PTPN22: variants seen among roughly 807,000 people sequenced by gnomAD.
The protein encoded by PTPN22 is protein tyrosine phosphatase non-receptor type 22.
In PTPN22, 85 loss-of-function variants were observed where a neutral mutation model predicts 103.3. The observed-to-expected ratio is 0.82, with a 90% CI of 0.69 to 0.99. PTPN22 has a LOEUF of 0.99. Ranked by LOEUF, PTPN22 falls within the 50% of genes least tolerant of loss-of-function variation. The pLI is 0.00. For synonymous variants in PTPN22, 323 were observed against 310.2 expected (o/e 1.04, Z -0.43); for missense variants, 865 against 936.9 (o/e 0.92, Z 1.00).
exon 13 of PTPN22, chr1:113,838,104 A>G: frequency 6.2e-7 from 1 of 1,614,032 alleles, no homozygotes; most frequent in Non-Finnish European, 8.5e-7. Flanking sequence ...TTCCTGCTGC[A>G]TTTACAGGTT....
At chr1:113,841,578 A>G (rs1663546088) in intron 11 of PTPN22, among the ~76,000 whole-genome samples, 1 of 150,714 alleles carries the variant, frequency 6.6e-6, no homozygotes, top group Non-Finnish European at 1.5e-5. Flanking sequence ...CCTAAAACTC[A>G]ACAACATGTA....
chr1:113,869,129 T>C (rs2102211832), intron 1 of PTPN22, among the ~76,000 whole-genome samples: 1 of 152,084 alleles, frequency 6.6e-6, no homozygotes, highest in East Asian at 1.9e-4. Flanking sequence ...GGCAGGAAAA[T>C]CGCTTGAACC....
At chr1:113,867,781 G>T (rs1275392732) in intron 1 of PTPN22, among the ~76,000 whole-genome samples, 2 of 152,192 alleles carry the variant, frequency 1.3e-5, no homozygotes, top group Non-Finnish European at 2.9e-5. Context: ...TCCTGGCACA[G>T]GGAAAAGACA....
chr1:113,855,609 C>T (rs1266575914), intron 7 of PTPN22, among the ~76,000 whole-genome samples: 2 of 151,996 alleles, frequency 1.3e-5, no homozygotes, highest in Non-Finnish European at 2.9e-5. Context: ...GACAACAGTC[C>T]GGCATACTAA....
rs1662792694 is a variant in PTPN22 at position 113,834,301 on chromosome 1, T to G, written c.2025+8A>C. 5 of 1,612,820 alleles carry G rather than the reference T, an allele frequency of 3.1e-6. No homozygotes were observed. The highest frequency in any genetic ancestry group is 4.2e-6 in the Non-Finnish European group (5 of 1,179,392). On this transcript the variant is annotated splice_region_variant and intron_variant, in intron 15 of 20. Transcript: ENST00000359785. ...CTAAATGAGTAGAGTCATTAAAAAA[T>G]TATTGACCTTGCTTGGTCTAAGTAT...
chr1:113,820,234 AC>A (rs1245258875), intron 19 of PTPN22, among the ~76,000 whole-genome samples: 4 of 152,054 alleles, frequency 2.6e-5, no homozygotes, highest in Non-Finnish European at 1.5e-5. Context: ...CAGGCAGATA[AC>A]TTGAGGCCAG....
chr1:113,845,194 G>GTTTTTTTTTTT (rs1322305042), intron 11 of PTPN22, among the ~76,000 whole-genome samples: 1 of 141,306 alleles, frequency 7.1e-6, no homozygotes, highest in African/African-American at 2.6e-5. Context: ...TTTTGTTTTT[G>GTTTTTTTTTTT]TTTTTGTTTT....
chr1:113,863,822 T>G (rs2476604), intron 1 of PTPN22, among the ~76,000 whole-genome samples: 1 of 151,070 alleles, frequency 6.6e-6, no homozygotes, highest in Admixed American at 6.6e-5. Flanking sequence ...TCTAGTATAG[T>G]TTAAACTGTT....
chr1:113,848,718 AAATCCT>A, intron 10 of PTPN22, 92 bp from the exon 11 acceptor site: 1 of 1,151,624 alleles, frequency 8.7e-7, no homozygotes, highest in Admixed American at 2.1e-5. Flanking sequence ...AACACCAATC[AAATCCT>A]AATATAGCAG....
chr1:113,854,560 C>T lies in PTPN22; in HGVS notation c.684-23G>A, dbSNP rs1411710442. The stretch of plus-strand genomic sequence containing the variant: ...GCACTGAAATGAAAGATCACAGTAG[C>T]ATGTATGCATGTATACCTAGAGAGA... On this transcript the variant is annotated intron_variant, in intron 8 of 20. Transcript: ENST00000359785. The T allele has an allele frequency of 3.8e-6, 6 of 1,586,388 alleles. No homozygotes were observed. The East Asian group carries it at 1.3e-4, about 35-fold the overall frequency.
At chr1:113,840,932 A>G (rs1414393871) in intron 11 of PTPN22, among the ~76,000 whole-genome samples, 1 of 152,232 alleles carries the variant, frequency 6.6e-6, no homozygotes, top group Non-Finnish European at 1.5e-5. Context: ...CATGCAAAAG[A>G]ATGAAGTTGA....
At chr1:113,815,346 C>T (rs779676745) in intron 20 of PTPN22, 16 of 165,972 alleles carry the variant, frequency 9.6e-5, no homozygotes, top group Non-Finnish European at 1.8e-4. Flanking sequence ...AATATAGCAC[C>T]GTTACTTATA....
chr1:113,845,714 T>C (rs932299968), intron 11 of PTPN22, among the ~76,000 whole-genome samples: 3 of 152,236 alleles, frequency 2.0e-5, no homozygotes, highest in African/African-American at 7.2e-5. Context: ...ATCAAAATTG[T>C]TGAAAGAAGA....
At position 113,846,992 on chromosome 1, in the gene PTPN22, A is replaced by ATTT. The variant is rs778146828; in HGVS notation, c.915+1545_915+1547dup. On this transcript the variant is annotated intron_variant, in intron 11 of 20. Coordinates refer to ENST00000359785, the Ensembl canonical transcript of PTPN22. ...CTGGATTTTGATGACCCAATGCTAG[A>ATTT]TTTTTTTTTTTTTTTTTTTTGGTCC... Among the ~76,000 whole-genome samples, 71 of 76,106 alleles carry ATTT rather than the reference A, an allele frequency of 9.3e-4. 3 individuals carry two copies. The highest frequency in any genetic ancestry group is 5.4e-3 in the East Asian group (15 of 2,762). 49.9% of individuals were successfully genotyped at this position (76,106 alleles called of 152,430 possible). A position where few individuals can be genotyped will look rare whatever the true frequency, so the allele number is the denominator to read the frequency against.
At chr1:113,869,475 ACCT>A (rs1666395613) in intron 1 of PTPN22, among the ~76,000 whole-genome samples, 1 of 151,786 alleles carries the variant, frequency 6.6e-6, no homozygotes, top group Non-Finnish European at 1.5e-5. Flanking sequence ...GTTCACTGCA[ACCT>A]CTGCCTCCCG....
intron 19 of PTPN22, among the ~76,000 whole-genome samples, chr1:113,824,802 C>G (rs1661901742): frequency 6.6e-6 from 1 of 151,870 alleles, no homozygotes; most frequent in Admixed American, 6.6e-5. Context: ...AGTTCGAGAC[C>G]AACCTGGGCA....
rs149974737 is a variant in PTPN22, at chr1:113,838,904, C to G, written c.916-284G>C. ...TTTAAAAATGTTCTTTGGTGGGTAA[C>G]TTTAGTCTCAAAAACACTCTGCCTT... On this transcript the variant is annotated intron_variant, in intron 11 of 20. Coordinates refer to ENST00000359785, the Ensembl canonical transcript of PTPN22. Among the ~76,000 whole-genome samples the G allele has an allele frequency of 2.1e-3, 327 of 152,186 alleles. 3 individuals are homozygous for G. The highest frequency in any genetic ancestry group is 4.8e-3 in the Admixed American group (73 of 15,280).
intron 9 of PTPN22, among the ~76,000 whole-genome samples, chr1:113,853,034 G>A (rs1417933802): frequency 6.6e-6 from 1 of 152,198 alleles, no homozygotes; most frequent in Non-Finnish European, 1.5e-5. Flanking sequence ...TGTCTCCCGG[G>A]TTCAAGCGAT....
intron 7 of PTPN22, among the ~76,000 whole-genome samples, chr1:113,855,908 A>T (rs558403912): frequency 2.6e-5 from 4 of 152,242 alleles, no homozygotes; most frequent in Non-Finnish European, 5.9e-5. Flanking sequence ...ACTGGTCCCC[A>T]GTCTCTATGC....
Sources: gnomAD v4.1 joint callset for allele counts (sites outside exome capture counted in the v4.1 genomes callset) on GRCh38, gnomAD v4.1.1 for gene constraint, MANE v1.5 for transcripts, NCBI Gene and HGNC (gene_info 2026-07-23, HGNC 2026-07-21) for gene names.